NOC4L: variants seen among roughly 807,000 people sequenced by gnomAD.
The protein encoded by NOC4L is nucleolar complex associated 4 homolog.
A neutral mutation model predicts 62.8 loss-of-function variants in NOC4L; 40 were observed. That is an observed-to-expected ratio of 0.64 (90% confidence interval 0.49 to 0.83). The LOEUF is 0.83. Among genes scored for constraint, NOC4L ranks in the 40% least tolerant of loss-of-function variants. NOC4L has a pLI of 0.00. For synonymous variants in NOC4L, 433 were observed against 299.8 expected (o/e 1.44, Z -4.59); for missense variants, 927 against 701.9 (o/e 1.32, Z -3.62).
intron 5 of NOC4L, 41 bp downstream of exon 5, chr12:132,147,823 T>C (rs989157740): frequency 1.9e-6 from 3 of 1,610,746 alleles, no homozygotes; most frequent in Non-Finnish European, 2.5e-6. Flanking sequence ...TGCTGTTGCC[T>C]CCCAGGGAGG....
chr12:132,151,572 C>A lies in NOC4L; in HGVS notation c.1162C>A (p.Leu388Met). Residue 388 changes from leucine to methionine, a missense_variant, in exon 12 of 15, where the codon CTG (leucine) becomes ATG (methionine). Coordinates refer to ENST00000330579, the MANE Select transcript of NOC4L (RefSeq NM_024078.3). ...TAPPEALLMV[L>M]PFICNLLRRH... ...TCCCCCTGAGGCCCTGCTCATGGTC[C>A]TGCCTTTCATCTGTAACCTGCTGCG... 6.2e-7 allele frequency: 1 copy of A among 1,611,008 alleles called. No homozygotes were observed. Among genetic ancestry groups the A allele is most frequent in the Non-Finnish European group, 8.5e-7 (1 of 1,179,408 alleles).
intron 4 of NOC4L, 95 bp downstream of exon 4, chr12:132,147,483 T>G (rs1897767937): frequency 6.9e-7 from 1 of 1,446,660 alleles, no homozygotes; most frequent in African/African-American, 1.4e-5. Flanking sequence ...GAGCTGAGCC[T>G]GGCTGTTGGC....
chr12:132,147,815 C>T (rs1315877189), intron 5 of NOC4L, 33 bp downstream of exon 5: 2 of 1,611,036 alleles, frequency 1.2e-6, no homozygotes, highest in Non-Finnish European at 8.5e-7. Flanking sequence ...CAGCATCATG[C>T]TGTTGCCTCC....
At chr12:132,148,159 G>T in intron 7 of NOC4L, 53 bp downstream of exon 7, 1 of 1,591,038 alleles carries the variant, frequency 6.3e-7, no homozygotes, top group Non-Finnish European at 8.6e-7. Flanking sequence ...GGTGTGTGTG[G>T]GGTGCATGTG....
At chr12:132,151,389 C>T in intron 11 of NOC4L, 21 bp downstream of exon 11, 1 of 1,604,074 alleles carries the variant, frequency 6.2e-7, no homozygotes, top group Non-Finnish European at 8.5e-7. Context: ...GGGCACCTGG[C>T]TCTGCCCTGC....
At chr12:132,144,758 G>C in intron 1 of NOC4L, 96 bp from the exon 2 acceptor site, 1 of 1,496,602 alleles carries the variant, frequency 6.7e-7, no homozygotes, top group South Asian at 1.3e-5. Context: ...GACGGGGCTG[G>C]CGTCCCGAGG....
At chr12:132,147,531 G>A (rs1897769045) in intron 4 of NOC4L, 102 bp from the exon 5 acceptor site, 1 of 1,505,738 alleles carries the variant, frequency 6.6e-7, no homozygotes, top group Admixed American at 2.0e-5. Context: ...CACCCAACCA[G>A]GAGGAGTCTG....
At chr12:132,144,638 C>T in intron 1 of NOC4L, 33 bp downstream of exon 1, 1 of 1,474,016 alleles carries the variant, frequency 6.8e-7, no homozygotes, top group South Asian at 1.3e-5. Context: ...GCCGGAGTCG[C>T]GGCACGGGAG....
At position 132,151,613 on chromosome 12, in the gene NOC4L, C is replaced by T. The variant is rs144664136; in HGVS notation, c.1203C>T (p.Cys401=). 2,229 of 1,611,558 alleles carry T rather than the reference C, an allele frequency of 1.4e-3. 2 individuals are homozygous for T. Among genetic ancestry groups the T allele is most frequent in the Non-Finnish European group, 1.8e-3 (2,096 of 1,179,538 alleles). Reference sequence around the variant, plus strand: ...ACCTGCTGCGCCGGCACCCTGCCTGCCGGGTCCTCGTGCACCGTCCACACG... The same window carrying T: ...ACCTGCTGCGCCGGCACCCTGCCTGTCGGGTCCTCGTGCACCGTCCACACG... ...ICNLLRRHPA[C]RVLVHRPHGP... Residue 401 remains cysteine (C), a synonymous_variant, in exon 12 of 15, where the codon TGC becomes TGT. Transcript: ENST00000330579.
At position 132,144,902 on chromosome 12, in the gene NOC4L, C is replaced by T. The variant is rs1449304674; in HGVS notation, c.166C>T (p.Leu56Phe). The change falls in exon 2 of 15, where the codon CTT becomes TTT. Residue 56 changes from leucine (L) to phenylalanine (F), a missense_variant. Coordinates refer to ENST00000330579, the MANE Select transcript of NOC4L (RefSeq NM_024078.3). ...GGAAGCAGTCCGCACGTGCAGCCGTCTTTTCGGGGCCTTGCTGGAGCGGGG... is the reference window on the plus strand; with the variant it reads ...GGAAGCAGTCCGCACGTGCAGCCGTTTTTTCGGGGCCTTGCTGGAGCGGGG... ...IQEAVRTCSR[L>F]FGALLERGEL... 18 of 1,602,142 alleles carry T rather than the reference C, an allele frequency of 1.1e-5. No homozygotes were observed. In the South Asian group the frequency reaches 1.4e-4, roughly 12 times the overall value.
chr12:132,151,119 A>T, intron 10 of NOC4L, 78 bp downstream of exon 10: 1 of 1,468,964 alleles, frequency 6.8e-7, no homozygotes, highest in Non-Finnish European at 9.4e-7. Context: ...ACCCTGCCCC[A>T]CGGGGTCCCC....
At chr12:132,147,242 T>C in intron 3 of NOC4L, 39 bp from the exon 4 acceptor site, 1 of 1,404,220 alleles carries the variant, frequency 7.1e-7, no homozygotes, top group African/African-American at 1.5e-5. Context: ...ATCCGTGGGG[T>C]GAGGGCATCA....
At chr12:132,148,731 C>A (rs1897823369) in intron 8 of NOC4L, 53 bp from the exon 9 acceptor site, 5 of 1,304,902 alleles carry the variant, frequency 3.8e-6, no homozygotes, top group South Asian at 3.0e-5. Context: ...TCACCCCGAC[C>A]CGCCGGCCCC....
At position 132,152,069 on chromosome 12, in the gene NOC4L, G is replaced by T. The variant is rs1268918857; in HGVS notation, c.1318-15G>T. ...GGCCTGGGGCAGCTGCCTCTTAACG[G>T]CCCTACTGCCCCAGGCCCTCCAGCG... is the stretch of plus-strand genomic sequence containing the variant. On this transcript the variant is annotated splice_polypyrimidine_tract_variant and intron_variant, in intron 13 of 14. Coordinates refer to ENST00000330579, the MANE Select transcript of NOC4L (RefSeq NM_024078.3). 6.2e-7 allele frequency: 1 copy of T among 1,600,324 alleles called. No homozygotes were observed. The highest frequency in any genetic ancestry group is 1.7e-5 in the Admixed American group (1 of 58,590).
At chr12:132,148,036 C>T (rs371586305) in intron 6 of NOC4L, 36 bp from the exon 7 acceptor site, 46 of 1,613,310 alleles carry the variant, frequency 2.9e-5, no homozygotes, top group East Asian at 1.3e-4. Context: ...GCCTCCCCTG[C>T]GGGTCAGGTG....
intron 3 of NOC4L, 116 bp from the exon 4 acceptor site, chr12:132,147,165 G>A (rs186635087): frequency 1.7e-5 from 12 of 711,266 alleles, no homozygotes; most frequent in Admixed American, 3.6e-5. Flanking sequence ...GAGAAGGCCC[G>A]GCCGCCCTTT....
At chr12:132,148,250 C>T (rs1025392065) in intron 7 of NOC4L, 144 bp downstream of exon 7, 6 of 852,918 alleles carry the variant, frequency 7.0e-6, no homozygotes, top group East Asian at 2.7e-5. Context: ...CACCAGGTCA[C>T]TCGAAGTGTG....
At position 132,144,842 on chromosome 12, in the gene NOC4L, C is replaced by T. The variant is rs1047063225; in HGVS notation, c.118-12C>T. 9 of 1,595,948 alleles carry T rather than the reference C, an allele frequency of 5.6e-6. No homozygotes were observed. Among genetic ancestry groups the T allele is most frequent in the Non-Finnish European group, 6.8e-6 (8 of 1,173,730 alleles). On this transcript the variant is annotated splice_polypyrimidine_tract_variant and intron_variant, in intron 1 of 14. Transcript: ENST00000330579. ...TTGGCGGCCGGGCACCCTGCCGCCG[C>T]CTCTCCTGCAGTCTGAGGACCAGGA...
intron 1 of NOC4L, 55 bp downstream of exon 1, chr12:132,144,660 T>G: frequency 3.6e-6 from 5 of 1,405,916 alleles, no homozygotes; most frequent in Admixed American, 2.7e-5. Flanking sequence ...GGGACTTGAA[T>G]GGGGGGCTGC....
Sources: allele counts gnomAD v4.1 joint callset, GRCh38; gene constraint gnomAD v4.1.1; transcripts MANE v1.5; gene names NCBI Gene and HGNC (gene_info 2026-07-23, HGNC 2026-07-21).